Variants in GLIS1 observed in about 807,000 individuals in gnomAD.
GLIS1 encodes zinc finger protein GLIS1.
Under a neutral mutation model 63.8 loss-of-function variants are expected in GLIS1, and 24 were observed. The ratio of observed to expected loss-of-function variants is 0.38; its 90% confidence interval spans 0.27 to 0.53. The LOEUF is 0.53. Ranked by LOEUF, GLIS1 falls within the 20% of genes least tolerant of loss-of-function variation. The pLI, the probability that GLIS1 is intolerant of heterozygous loss-of-function variation, is 0.85. For synonymous variants in GLIS1, 450 were observed against 482.5 expected (o/e 0.93, Z 0.88); for missense variants, 1,036 against 1,074.1 (o/e 0.96, Z 0.50).
chr1:53,581,230 G>A (rs1399837570), intron 4 of GLIS1, among the ~76,000 whole-genome samples: 2 of 152,196 alleles, frequency 1.3e-5, no homozygotes, highest in Non-Finnish European at 2.9e-5. Context: ...TGGGTACTGG[G>A]CACTGGGCTG....
At chr1:53,730,822 G>C (rs1374625642) in intron 2 of GLIS1, among the ~76,000 whole-genome samples, 1 of 152,142 alleles carries the variant, frequency 6.6e-6, no homozygotes. Context: ...TCCATAGGGG[G>C]GGTCATCTAG....
At chr1:53,613,569 T>G (rs1323076611) in intron 2 of GLIS1, among the ~76,000 whole-genome samples, 1 of 152,202 alleles carries the variant, frequency 6.6e-6, no homozygotes, top group Non-Finnish European at 1.5e-5. Context: ...CCTACCATAA[T>G]GCAATAAGTG....
Position 53,647,002 on chromosome 1 carries a change from G to C in GLIS1, c.260-46724C>G, listed in dbSNP as rs186143487. ...AGGAAAGGAAGGAAAGGAAGGAAGG[G>C]AGGGATGAAGGAAAAGAAAATTGAG... On this transcript the variant is annotated intron_variant, in intron 2 of 10. Coordinates refer to ENST00000628545, the MANE Select transcript of GLIS1 (RefSeq NM_001367484.1). Among the ~76,000 whole-genome samples, 553 of 151,126 alleles carry C rather than the reference G, an allele frequency of 3.7e-3. 7 individuals are homozygous for C. The highest frequency in any genetic ancestry group is 1.0e-3 in the Non-Finnish European group (71 of 67,778).
intron 5 of GLIS1, among the ~76,000 whole-genome samples, chr1:53,525,638 G>T (rs950536533): frequency 2.0e-5 from 3 of 151,490 alleles, no homozygotes; most frequent in African/African-American, 7.3e-5. Context: ...TGCCCTCCAG[G>T]CCTCAGGCTC....
chr1:53,540,095 G>A (rs903806559), intron 4 of GLIS1, among the ~76,000 whole-genome samples: 2 of 152,052 alleles, frequency 1.3e-5, no homozygotes, highest in South Asian at 2.1e-4. Context: ...CAGGACTGCC[G>A]GTCCCTTACC....
At chr1:53,634,672 C>A (rs1193064375) in intron 2 of GLIS1, among the ~76,000 whole-genome samples, 1 of 152,128 alleles carries the variant, frequency 6.6e-6, no homozygotes, top group African/African-American at 2.4e-5. Flanking sequence ...GTGACATCCT[C>A]TCGGCCCCAC....
intron 4 of GLIS1, among the ~76,000 whole-genome samples, chr1:53,550,642 C>T (rs768020575): frequency 1.3e-5 from 2 of 152,124 alleles, no homozygotes; most frequent in Non-Finnish European, 1.5e-5. Context: ...CACTGGATGA[C>T]CATACTGCTG....
At chr1:53,571,998 G>A (rs574740734) in intron 4 of GLIS1, among the ~76,000 whole-genome samples, 5 of 152,338 alleles carry the variant, frequency 3.3e-5, no homozygotes, top group East Asian at 1.9e-4. Context: ...GGATACATAT[G>A]TGTGATGAAA....
chr1:53,525,966 G>A (rs933446594), intron 5 of GLIS1, among the ~76,000 whole-genome samples: 1 of 152,250 alleles, frequency 6.6e-6, no homozygotes, highest in Non-Finnish European at 1.5e-5. Context: ...CCAGGGCAGG[G>A]GACTCGTGGC....
At chr1:53,734,201 A>G (rs764622426) in intron 2 of GLIS1, 85 of 985,106 alleles carry the variant, frequency 8.6e-5, no homozygotes, top group Non-Finnish European at 9.8e-5. Flanking sequence ...CTCAGTACAC[A>G]GTGAAAGGGC....
intron 2 of GLIS1, among the ~76,000 whole-genome samples, chr1:53,695,614 T>C (rs1646457315): frequency 6.6e-6 from 1 of 152,064 alleles, no homozygotes; most frequent in Non-Finnish European, 1.5e-5. Flanking sequence ...CCCTCCACCC[T>C]GTGTCCTGGG....
At chr1:53,731,386 G>C (rs969480209) in intron 2 of GLIS1, among the ~76,000 whole-genome samples, 2 of 152,212 alleles carry the variant, frequency 1.3e-5, no homozygotes. Context: ...GGTGCTCTGG[G>C]ATGTGGCTGT....
At chr1:53,612,164 G>A (rs1380960126) in intron 2 of GLIS1, among the ~76,000 whole-genome samples, 1 of 152,118 alleles carries the variant, frequency 6.6e-6, no homozygotes, top group Non-Finnish European at 1.5e-5. Context: ...CACATCTGTT[G>A]GTTTCTTTAC....
intron 4 of GLIS1, among the ~76,000 whole-genome samples, chr1:53,556,056 T>C (rs1273174384): frequency 5.4e-5 from 5 of 92,202 alleles, no homozygotes; most frequent in South Asian, 3.5e-4. Flanking sequence ...TGTGTGTGTG[T>C]ATGCAGGTAT....
intron 4 of GLIS1, among the ~76,000 whole-genome samples, chr1:53,567,930 C>T (rs917818614): frequency 6.6e-6 from 1 of 152,232 alleles, no homozygotes; most frequent in Admixed American, 6.5e-5. Context: ...CATGGACAAC[C>T]TCTATTAAGG....
At chr1:53,669,511 G>T (rs960189143) in intron 2 of GLIS1, among the ~76,000 whole-genome samples, 1 of 152,238 alleles carries the variant, frequency 6.6e-6, no homozygotes, top group African/African-American at 2.4e-5. Flanking sequence ...CAGATCTCCT[G>T]CATGTACCAA....
chr1:53,641,636 G>A (rs1366508415), intron 2 of GLIS1, among the ~76,000 whole-genome samples: 7 of 152,140 alleles, frequency 4.6e-5, no homozygotes, highest in African/African-American at 1.7e-4. Context: ...GGGGCCTAAG[G>A]GCACTTTGTG....
intron 2 of GLIS1, among the ~76,000 whole-genome samples, chr1:53,685,924 C>G (rs1475373327): frequency 6.6e-6 from 1 of 152,174 alleles, no homozygotes; most frequent in Non-Finnish European, 1.5e-5. Flanking sequence ...CAGCCTGTGG[C>G]CAGCCCCACC....
intron 2 of GLIS1, among the ~76,000 whole-genome samples, chr1:53,707,844 T>G (rs1346278867): frequency 6.7e-6 from 1 of 149,382 alleles, no homozygotes; most frequent in Non-Finnish European, 1.5e-5. Flanking sequence ...TGAGCCACCA[T>G]GTCTGGCCAA....
Sources: gnomAD v4.1 joint callset for allele counts (sites outside exome capture counted in the v4.1 genomes callset) on GRCh38, gnomAD v4.1.1 for gene constraint, MANE v1.5 for transcripts, NCBI Gene and HGNC (gene_info 2026-07-23, HGNC 2026-07-21) for gene names.